The following NCOA1 variants were observed in gnomAD, a reference collection of about 807,000 sequenced individuals.
NCOA1 encodes nuclear receptor coactivator 1, also known as Hin-2 protein.
Under a neutral mutation model 150.9 loss-of-function variants are expected in NCOA1, and 35 were observed. The observed-to-expected ratio is 0.23, with a 90% CI of 0.18 to 0.31. The LOEUF is 0.31. Among genes scored for constraint, NCOA1 ranks in the 10% least tolerant of loss-of-function variants. The probability of loss-of-function intolerance (pLI) is 1.00; values close to 1 mark genes in which losing one functional copy is unlikely to be tolerated. For missense variants in NCOA1, 1,491 were observed against 1,749.3 expected (o/e 0.85, Z 2.63); for synonymous variants, 590 against 630.0 (o/e 0.94, Z 0.95).
chr2:24,571,458 A>T (rs1414619925), intron 2 of NCOA1, among the ~76,000 whole-genome samples: 2 of 152,102 alleles, frequency 1.3e-5, no homozygotes, highest in African/African-American at 4.8e-5. Flanking sequence ...CTTTATACAT[A>T]TTTACCCATT....
intron 1 of NCOA1, among the ~76,000 whole-genome samples, chr2:24,541,324 G>A (rs1273622354): frequency 6.6e-6 from 1 of 152,128 alleles, no homozygotes; most frequent in Non-Finnish European, 1.5e-5. Flanking sequence ...ATCATGTCAT[G>A]GAAACCAGAG....
At chr2:24,512,241 G>A (rs1489433724) in intron 1 of NCOA1, among the ~76,000 whole-genome samples, 1 of 152,142 alleles carries the variant, frequency 6.6e-6, no homozygotes, top group Non-Finnish European at 1.5e-5. Flanking sequence ...TAATACAATA[G>A]TTATATTAAG....
intron 21 of NCOA1, among the ~76,000 whole-genome samples, chr2:24,761,940 A>G (rs1664812270): frequency 6.6e-6 from 1 of 152,236 alleles, no homozygotes. Context: ...GAATTGTTCC[A>G]TGTCATCTAT....
At chr2:24,592,273 T>C (rs1264399556) in intron 3 of NCOA1, among the ~76,000 whole-genome samples, 1 of 152,200 alleles carries the variant, frequency 6.6e-6, no homozygotes, top group Non-Finnish European at 1.5e-5. Context: ...TCTTAATTTT[T>C]TTCCAAGTAA....
chr2:24,638,855 TTGTTGTTGC>T (rs765701158), intron 3 of NCOA1, among the ~76,000 whole-genome samples: 104 of 152,312 alleles, frequency 6.8e-4, no homozygotes, highest in Non-Finnish European at 1.3e-3. Context: ...ATTGTTGTTG[TTGTTGTTGC>T]TGTTGAGATA....
chr2:24,746,312 G>T (rs897986907), intron 19 of NCOA1, among the ~76,000 whole-genome samples: 6 of 152,196 alleles, frequency 3.9e-5, no homozygotes, highest in African/African-American at 1.4e-4. Flanking sequence ...GGAGGCCTAG[G>T]CAGGTGGATT....
At chr2:24,713,210 G>A (rs534158488) in intron 14 of NCOA1, among the ~76,000 whole-genome samples, 7 of 151,980 alleles carry the variant, frequency 4.6e-5, no homozygotes, top group African/African-American at 9.7e-5. Context: ...CAGCCTGGGC[G>A]ACAAGAGCAA....
chr2:24,654,988 CCT>C (rs1223615725), intron 4 of NCOA1, among the ~76,000 whole-genome samples: 2 of 152,128 alleles, frequency 1.3e-5, no homozygotes, highest in East Asian at 3.8e-4. Flanking sequence ...CATACCTAAG[CCT>C]CTGTTTTTGC....
intron 1 of NCOA1, among the ~76,000 whole-genome samples, chr2:24,537,813 A>G (rs1665226069): frequency 6.6e-6 from 1 of 152,074 alleles, no homozygotes; most frequent in African/African-American, 2.4e-5. Flanking sequence ...CTATCTATAT[A>G]TATCTCATAA....
At chr2:24,592,578 A>ATTTTTTTTTTTTTT (rs145333073) in intron 3 of NCOA1, among the ~76,000 whole-genome samples, 2 of 103,492 alleles carry the variant, frequency 1.9e-5, no homozygotes, top group African/African-American at 3.7e-5. Flanking sequence ...TCCCCTCCTA[A>ATTTTTTTTTTTTTT]TTTTTTTTTT....
At chr2:24,594,256 A>G (rs1044057931) in intron 3 of NCOA1, among the ~76,000 whole-genome samples, 7 of 152,162 alleles carry the variant, frequency 4.6e-5, no homozygotes, top group Non-Finnish European at 8.8e-5. Context: ...ATAATAAAAC[A>G]TACGATTATG....
At chr2:24,560,026 C>T (rs187059698) in intron 1 of NCOA1, among the ~76,000 whole-genome samples, 31 of 152,228 alleles carry the variant, frequency 2.0e-4, no homozygotes, top group African/African-American at 6.7e-4. Context: ...TCCTAGACAC[C>T]TCCTGCACAC....
chr2:24,734,304 A>G (rs1420308559), intron 17 of NCOA1, among the ~76,000 whole-genome samples: 1 of 152,220 alleles, frequency 6.6e-6, no homozygotes, highest in Non-Finnish European at 1.5e-5. Flanking sequence ...ATGTCTCCTA[A>G]TTGGTTGTCG....
chr2:24,607,187 GTGT>G (rs1301049042), intron 3 of NCOA1, among the ~76,000 whole-genome samples: 1 of 131,906 alleles, frequency 7.6e-6, no homozygotes, highest in African/African-American at 2.7e-5. Flanking sequence ...GAGGGGTACT[GTGT>G]TTTTTTTTTT....
chr2:24,719,522 CTTGTAG>C (rs1410400520), intron 14 of NCOA1, among the ~76,000 whole-genome samples: 3 of 152,114 alleles, frequency 2.0e-5, no homozygotes, highest in Admixed American at 6.5e-5. Flanking sequence ...TATCACATTT[CTTGTAG>C]TTGTAAAGAT....
chr2:24,516,279 G>A (rs1386125977), intron 1 of NCOA1, among the ~76,000 whole-genome samples: 2 of 131,300 alleles, frequency 1.5e-5, no homozygotes, highest in Admixed American at 9.2e-5. Context: ...TGCAAGCTCC[G>A]CCTCCCAGGT....
chr2:24,534,718 T>G (rs1329001375), intron 1 of NCOA1, among the ~76,000 whole-genome samples: 1 of 152,240 alleles, frequency 6.6e-6, no homozygotes, highest in Non-Finnish European at 1.5e-5. Flanking sequence ...CCAGTAGTCA[T>G]TCAGGAGCAG....
chr2:24,662,922 G>C (rs544687521), intron 5 of NCOA1, among the ~76,000 whole-genome samples: 2 of 151,856 alleles, frequency 1.3e-5, no homozygotes, highest in Admixed American at 1.3e-4. Flanking sequence ...TGAGTAACTA[G>C]GACTACAGGC....
At chr2:24,666,858 A>C (rs951672322) in intron 6 of NCOA1, among the ~76,000 whole-genome samples, 2 of 151,930 alleles carry the variant, frequency 1.3e-5, no homozygotes, top group Non-Finnish European at 2.9e-5. Flanking sequence ...GTGTATTTTT[A>C]AGCTTCATAT....
Sources: allele counts gnomAD v4.1 joint callset (sites outside exome capture counted in the v4.1 genomes callset), GRCh38; gene constraint gnomAD v4.1.1; transcripts MANE v1.5; gene names NCBI Gene and HGNC (gene_info 2026-07-23, HGNC 2026-07-21).